Variants in FLT1 observed in about 807,000 individuals in gnomAD.
The protein encoded by FLT1 is fms related receptor tyrosine kinase 1.
FLT1 carries 49 observed loss-of-function variants against 156.3 expected under a neutral mutation model. That is an observed-to-expected ratio of 0.31 (90% CI 0.25 to 0.40). FLT1 has a LOEUF of 0.40. Among genes scored for constraint, FLT1 ranks in the 10% least tolerant of loss-of-function variants. The pLI is 1.00. For missense variants in FLT1, 1,322 were observed against 1,637.2 expected, an observed-to-expected ratio of 0.81 and a Z score of 3.32; for synonymous variants, 594 against 583.8, an observed-to-expected ratio of 1.02 and a Z score of -0.25.
chr13:28,396,520 T>G (rs764222941), intron 12 of FLT1, among the ~76,000 whole-genome samples: 10 of 152,324 alleles, frequency 6.6e-5, no homozygotes, highest in Admixed American at 1.3e-4. Context: ...CAGAGCCTCA[T>G]TCCCCAAAAA....
intron 1 of FLT1, 50 bp downstream of exon 1, chr13:28,494,730 G>A (rs2137683690): frequency 6.9e-7 from 1 of 1,453,656 alleles, no homozygotes; most frequent in South Asian, 1.2e-5. Flanking sequence ...CTGCCCTCCG[G>A]CCGCCCCATC....
intron 29 of FLT1, among the ~76,000 whole-genome samples, chr13:28,303,712 G>A (rs1870618016): frequency 6.6e-6 from 1 of 152,156 alleles, no homozygotes; most frequent in Admixed American, 6.5e-5. Flanking sequence ...GTGGTAGGCT[G>A]AGAAATGCCT....
chr13:28,305,444 G>C (rs1870704347), intron 29 of FLT1, among the ~76,000 whole-genome samples: 1 of 152,112 alleles, frequency 6.6e-6, no homozygotes, highest in Non-Finnish European at 1.5e-5. Context: ...CCGGGCTCAA[G>C]TGATCCACCC....
intron 14 of FLT1, among the ~76,000 whole-genome samples, chr13:28,378,046 TA>T (rs1945362753): frequency 6.6e-6 from 1 of 151,642 alleles, no homozygotes; most frequent in Non-Finnish European, 1.5e-5. Context: ...TCAAGAGACT[TA>T]ATCTTTTTTT....
chr13:28,306,573 G>T, intron 29 of FLT1, 105 bp downstream of exon 29: 1 of 832,698 alleles, frequency 1.2e-6, no homozygotes, highest in Non-Finnish European at 2.1e-6. Flanking sequence ...CCACAGTTCA[G>T]GAGGGCAAGT....
At chr13:28,401,413 G>A (rs1170530341) in intron 11 of FLT1, among the ~76,000 whole-genome samples, 1 of 152,158 alleles carries the variant, frequency 6.6e-6, no homozygotes, top group Non-Finnish European at 1.5e-5. Context: ...CTATCAGCAA[G>A]TACTGTAAGT....
At chr13:28,451,430 A>T (rs1327663166) in intron 3 of FLT1, among the ~76,000 whole-genome samples, 3 of 152,162 alleles carry the variant, frequency 2.0e-5, no homozygotes, top group African/African-American at 2.4e-5. Flanking sequence ...CTCAAAACAA[A>T]AACAAAACAA....
At chr13:28,340,936 A>G (rs1412494118) in intron 16 of FLT1, among the ~76,000 whole-genome samples, 2 of 152,204 alleles carry the variant, frequency 1.3e-5, no homozygotes, top group Admixed American at 6.5e-5. Context: ...AAGAGTATGA[A>G]TTCCTATAAC....
At chr13:28,374,184 T>C (rs1293217628) in intron 14 of FLT1, among the ~76,000 whole-genome samples, 3 of 152,120 alleles carry the variant, frequency 2.0e-5, no homozygotes, top group African/African-American at 7.2e-5. Context: ...ATAAAATTTA[T>C]GTTATGTGCA....
Position 28,375,417 on chromosome 13 carries a change from T to TTAAA in FLT1, c.2116+9464_2116+9467dup, listed in dbSNP as rs769470664. 1.5e-4 allele frequency among the ~76,000 whole-genome samples: 23 copies of TTAAA among 152,200 alleles called. No homozygotes were observed. The East Asian group carries it at 4.1e-3, about 27-fold the overall frequency. Reference sequence around the variant, plus strand: ...TTTTTTTTGCCATGATAGGGCTGTGTTAAAGTCAGGTTCCCTCTGTTGGCT... The same window carrying TTAAA: ...TTTTTTTTGCCATGATAGGGCTGTGTTAAATAAAGTCAGGTTCCCTCTGTTGGCT... On this transcript the variant is annotated intron_variant, in intron 14 of 29. Transcript: ENST00000282397.
chr13:28,358,282 A>G (rs936014287), intron 14 of FLT1, among the ~76,000 whole-genome samples: 1 of 152,220 alleles, frequency 6.6e-6, no homozygotes, highest in African/African-American at 2.4e-5. Flanking sequence ...TGGTGAGTCA[A>G]TATAGCCTAG....
chr13:28,378,236 A>C (rs1382174762), intron 14 of FLT1, among the ~76,000 whole-genome samples: 1 of 152,050 alleles, frequency 6.6e-6, no homozygotes, highest in African/African-American at 2.4e-5. Context: ...TTTAGTAGAG[A>C]CGAGGTTTCA....
intron 11 of FLT1, among the ~76,000 whole-genome samples, chr13:28,401,658 G>A (rs1875445528): frequency 6.6e-6 from 1 of 152,142 alleles, no homozygotes; most frequent in African/African-American, 2.4e-5. Context: ...GATGTGTAAA[G>A]GTCATGGAAG....
chr13:28,343,946 C>T (rs1235981014), intron 16 of FLT1, among the ~76,000 whole-genome samples: 2 of 151,560 alleles, frequency 1.3e-5, no homozygotes, highest in Non-Finnish European at 2.9e-5. Context: ...CCGGCAGCCA[C>T]CATAATTTCT....
At chr13:28,385,956 T>C in intron 13 of FLT1, 1 of 1,046,468 alleles carries the variant, frequency 9.6e-7, no homozygotes, top group Non-Finnish European at 1.2e-6. Context: ...AGGTAAAAAA[T>C]AAAAACAACT....
intron 1 of FLT1, among the ~76,000 whole-genome samples, chr13:28,476,440 A>T (rs1004783342): frequency 6.6e-6 from 1 of 152,196 alleles, no homozygotes; most frequent in Non-Finnish European, 1.5e-5. Flanking sequence ...ATTTTAGAGT[A>T]ATTGTGTTAT....
intron 25 of FLT1, among the ~76,000 whole-genome samples, chr13:28,313,073 G>A (rs1274169093): frequency 2.0e-5 from 3 of 152,044 alleles, no homozygotes; most frequent in Non-Finnish European, 4.4e-5. Flanking sequence ...CCGGCTCCCA[G>A]GTTCAAGCGA....
intron 14 of FLT1, among the ~76,000 whole-genome samples, chr13:28,367,801 T>C (rs1465995700): frequency 6.6e-6 from 1 of 152,226 alleles, no homozygotes; most frequent in Non-Finnish European, 1.5e-5. Context: ...ATATGTATTG[T>C]TGACTTAGAG....
At chr13:28,362,009 A>G (rs999573220) in intron 14 of FLT1, among the ~76,000 whole-genome samples, 1 of 152,254 alleles carries the variant, frequency 6.6e-6, no homozygotes, top group Non-Finnish European at 1.5e-5. Flanking sequence ...CCTGCTCATC[A>G]GTTGTAATTC....
Sources: gnomAD v4.1 joint callset for allele counts (sites outside exome capture counted in the v4.1 genomes callset) on GRCh38, gnomAD v4.1.1 for gene constraint, MANE v1.5 for transcripts, NCBI Gene and HGNC (gene_info 2026-07-23, HGNC 2026-07-21) for gene names.